NKD2: variants seen among roughly 807,000 people sequenced by gnomAD.
The protein encoded by NKD2 is NKD inhibitor of Wnt signaling pathway 2, also known as protein naked cuticle homolog 2.
In NKD2, 43 loss-of-function variants were observed where a neutral mutation model predicts 34.8. The observed-to-expected ratio is 1.24, with a 90% CI of 0.97 to 1.60. NKD2 has a LOEUF of 1.60. Ranked by LOEUF, NKD2 falls within the 40% of genes most tolerant of loss-of-function variation. The pLI is 0.00. For synonymous variants in NKD2, 278 were observed against 265.1 expected (o/e 1.05, Z -0.47); for missense variants, 675 against 627.1 (o/e 1.08, Z -0.82).
chr5:1,027,041 G>T (rs566102331), intron 3 of NKD2, among the ~76,000 whole-genome samples: 2 of 152,394 alleles, frequency 1.3e-5, no homozygotes, highest in Admixed American at 1.3e-4. Flanking sequence ...TGGTGACAAT[G>T]ACCACAGGAC....
At chr5:1,037,338 C>A (rs143612862) in intron 9 of NKD2, among the ~76,000 whole-genome samples, 1 of 152,128 alleles carries the variant, frequency 6.6e-6, no homozygotes, top group Non-Finnish European at 1.5e-5. Context: ...GTGTGCTGAC[C>A]CTGCCCTCCT....
intron 3 of NKD2, among the ~76,000 whole-genome samples, chr5:1,015,774 G>A (rs1179036898): frequency 6.6e-6 from 1 of 152,238 alleles, no homozygotes; most frequent in Non-Finnish European, 1.5e-5. Flanking sequence ...GAGGGGGCCT[G>A]TGCTGCGTCC....
At position 1,038,423 on chromosome 5, in the gene NKD2, C is replaced by G; in HGVS notation, c.*50C>G. On this transcript the variant is annotated 3_prime_UTR_variant, in exon 10 of 10. Transcript: ENST00000296849. This position sits in a 1 kb window ranked among gnomAD's most constrained non-coding sequence, Gnocchi z 4.5. ...CCCAGCACACCACAGCCCGCGACCT[C>G]AGGGCAGGGAGCAGAGCAGCTGCCG... 1 of 1,535,678 alleles carries G rather than the reference C, an allele frequency of 6.5e-7. No individual in the cohort carries two copies. Among genetic ancestry groups the G allele is most frequent in the Non-Finnish European group, 8.7e-7 (1 of 1,146,680 alleles).
rs547239421 is a variant in NKD2, at chr5:1,028,592, A to G, written c.142-3560A>G. On this transcript the variant is annotated intron_variant, in intron 3 of 9. Coordinates refer to ENST00000296849, the MANE Select transcript of NKD2 (RefSeq NM_033120.4). Reference sequence around the variant, plus strand: ...CCATGGGCGGGAGGGGACAACGGGCATGGGGAGGTCTGCAGGCCAGCCGTG... The same window carrying G: ...CCATGGGCGGGAGGGGACAACGGGCGTGGGGAGGTCTGCAGGCCAGCCGTG... Among the ~76,000 whole-genome samples, 10 of 152,130 alleles carry G rather than the reference A, an allele frequency of 6.6e-5. No individual in the cohort carries two copies. In the East Asian group the frequency reaches 1.6e-3, roughly 24 times the overall value.
intron 3 of NKD2, among the ~76,000 whole-genome samples, chr5:1,014,641 C>T (rs1023388038): frequency 6.6e-6 from 1 of 152,200 alleles, no homozygotes; most frequent in Non-Finnish European, 1.5e-5. Context: ...AGGTCCAGGC[C>T]CCGACTGGGG....
chr5:1,016,206 C>T (rs9765071), intron 3 of NKD2, among the ~76,000 whole-genome samples: 48 of 152,368 alleles, frequency 3.2e-4, no homozygotes, highest in Non-Finnish European at 6.0e-4. Context: ...GAAGCCTGGA[C>T]CTGCTGGGAC....
In NKD2 at chr5:1,021,712, C is replaced by CT. The variant is rs530410470; in HGVS notation, c.142-10440_142-10439insT. Reference sequence around the variant, plus strand: ...CTTGAAGTCAAATTCCATCCTATGGCGGCCGGCAGAAGTGGGCCCCCGGCA... The same window carrying CT: ...CTTGAAGTCAAATTCCATCCTATGGCTGGCCGGCAGAAGTGGGCCCCCGGCA... On this transcript the variant is annotated intron_variant, in intron 3 of 9. Transcript: ENST00000296849. Among the ~76,000 whole-genome samples, 1,205 of 152,038 alleles carry CT rather than the reference C, an allele frequency of 7.9e-3. 6 individuals are homozygous for CT. Among genetic ancestry groups the CT allele is most frequent in the Non-Finnish European group, 0.012 (819 of 67,968 alleles).
intron 3 of NKD2, among the ~76,000 whole-genome samples, chr5:1,018,103 G>A (rs375206901): frequency 1.3e-5 from 2 of 152,278 alleles, no homozygotes; most frequent in South Asian, 4.1e-4. Context: ...GTAGCAGGCA[G>A]GGGCTGCGAG....
At chr5:1,035,327 T>C (rs1386488888) in intron 7 of NKD2, 62 bp from the exon 8 acceptor site, 91 of 1,278,464 alleles carry the variant, frequency 7.1e-5, no homozygotes, top group East Asian at 1.0e-4. Context: ...AATGAGTGAA[T>C]GAATGAGTGA....
chr5:1,034,427 C>A, intron 6 of NKD2, 97 bp downstream of exon 6: 1 of 1,019,076 alleles, frequency 9.8e-7, no homozygotes. Flanking sequence ...CAGGAGGGGA[C>A]CTGCCTGCTG....
At chr5:1,032,126 C>T (rs763557380) in intron 3 of NKD2, 26 bp from the exon 4 acceptor site, 10 of 1,605,650 alleles carry the variant, frequency 6.2e-6, no homozygotes, top group Admixed American at 1.7e-5. Context: ...GCTATGTGGC[C>T]ACTGACTGCC....
At chr5:1,012,448 C>T (rs1036539714) in intron 3 of NKD2, among the ~76,000 whole-genome samples, 3 of 152,240 alleles carry the variant, frequency 2.0e-5, no homozygotes, top group Non-Finnish European at 4.4e-5. Flanking sequence ...AGGAGGCACT[C>T]GCCAGTCCCA....
At chr5:1,028,971 C>T (rs1014748112) in intron 3 of NKD2, among the ~76,000 whole-genome samples, 14 of 152,310 alleles carry the variant, frequency 9.2e-5, no homozygotes, top group African/African-American at 3.1e-4. Flanking sequence ...AGAAGGTCTT[C>T]CCAGTGGGGA....
rs1164762103 is a variant in NKD2 at position 1,038,541 on chromosome 5, C to T, written c.*168C>T. 4 of 1,407,406 alleles carry T rather than the reference C, an allele frequency of 2.8e-6. No individual in the cohort carries two copies. The highest frequency in any genetic ancestry group is 3.9e-6 in the Non-Finnish European group (4 of 1,031,830). The allele number at this position is 1,407,406 out of a possible 1,614,324, so 87.2% of individuals were successfully genotyped here. A position where few individuals can be genotyped will look rare whatever the true frequency, so the allele number is the denominator to read the frequency against. Reference sequence around the variant, plus strand: ...GTGCTGGCATGATGGAGGTGGTGCACCTTGGACACGTGGACAAGGCCCAGG... The same window carrying T: ...GTGCTGGCATGATGGAGGTGGTGCATCTTGGACACGTGGACAAGGCCCAGG... On this transcript the variant is annotated 3_prime_UTR_variant, in exon 10 of 10. Coordinates refer to ENST00000296849, the MANE Select transcript of NKD2 (RefSeq NM_033120.4). This position sits in a 1 kb window ranked among gnomAD's most constrained non-coding sequence, Gnocchi z 4.5.
At position 1,034,856 on chromosome 5, in the gene NKD2, G is replaced by A. The variant is rs764399457; in HGVS notation, c.527G>A (p.Ser176Asn). The change falls in exon 7 of 10, where the codon AGC (serine) becomes AAC (asparagine). Residue 176 changes from serine to asparagine, a missense_variant. Coordinates refer to ENST00000296849, the MANE Select transcript of NKD2 (RefSeq NM_033120.4). ...SKTLRVKLTV[S>N]PEPSSKRKEG... Reference sequence around the variant, plus strand: ...ACCCTCCGTGTGAAGCTAACCGTCAGCCCTGAGCCCTCCAGCAAGAGGAAG... The same window carrying A: ...ACCCTCCGTGTGAAGCTAACCGTCAACCCTGAGCCCTCCAGCAAGAGGAAG... The A allele has an allele frequency of 6.8e-6, 11 of 1,612,584 alleles. No individual in the cohort carries two copies. The East Asian group carries it at 2.4e-4, about 36-fold the overall frequency.
intron 9 of NKD2, chr5:1,036,860 T>TGTGGATGGCAGGCAAGCAG (rs1733984792): frequency 2.2e-6 from 1 of 446,402 alleles, no homozygotes; most frequent in Admixed American, 2.4e-5. Context: ...CAGCAGGCAG[T>TGTGGATGGCAGGCAAGCAG]GTGGATGGCA....
At chr5:1,031,782 G>A (rs1274732538) in intron 3 of NKD2, among the ~76,000 whole-genome samples, 1 of 152,076 alleles carries the variant, frequency 6.6e-6, no homozygotes, top group African/African-American at 2.4e-5. Flanking sequence ...AGTGGGCAGT[G>A]CTGGGAGCAG....
intron 3 of NKD2, 148 bp from the exon 4 acceptor site, chr5:1,032,004 G>T (rs1454344471): frequency 1.2e-5 from 8 of 674,200 alleles, no homozygotes; most frequent in Non-Finnish European, 2.1e-5. Flanking sequence ...GGGCACGAAG[G>T]GTTGGTGTTT....
chr5:1,022,548 C>T (rs1273883894), intron 3 of NKD2, among the ~76,000 whole-genome samples: 1 of 28,148 alleles, frequency 3.6e-5, no homozygotes, highest in African/African-American at 5.6e-5. Context: ...CCGCTGTGGG[C>T]GTCTCAGCCC....
Sources: gnomAD v4.1 joint callset for allele counts (sites outside exome capture counted in the v4.1 genomes callset) on GRCh38, gnomAD v4.1.1 for gene constraint, Gnocchi (gnomAD v3.1) non-coding constraint, MANE v1.5 for transcripts, NCBI Gene and HGNC (gene_info 2026-07-23, HGNC 2026-07-21) for gene names.